The following AFF1 variants were observed in gnomAD, a reference collection of about 807,000 sequenced individuals.
AFF1 encodes the protein AF4/FMR2 family member 1.
A neutral mutation model predicts 121.7 loss-of-function variants in AFF1; 48 were observed. That is an observed-to-expected ratio of 0.39 (90% CI 0.31 to 0.50). The LOEUF (loss-of-function observed/expected upper bound fraction) is 0.50. Ranked by LOEUF, AFF1 falls within the 20% of genes least tolerant of loss-of-function variation. The pLI is 0.76. For missense variants in AFF1, 1,523 were observed against 1,511.7 expected (o/e 1.01, Z -0.12); for synonymous variants, 613 against 563.0 (o/e 1.09, Z -1.26).
At chr4:87,022,578 A>ATATATATC (rs1728061903) in intron 2 of AFF1, among the ~76,000 whole-genome samples, 1 of 87,258 alleles carries the variant, frequency 1.1e-5, no homozygotes, top group African/African-American at 5.4e-5. Flanking sequence ...ATATATATAT[A>ATATATATC]TATATCTATC....
chr4:87,114,569 G>A lies in AFF1; in HGVS notation c.1736G>A (p.Arg579Gln), dbSNP rs760065530. 10 of 1,397,868 alleles carry A rather than the reference G, an allele frequency of 7.2e-6. No individual in the cohort carries two copies. The highest frequency in any genetic ancestry group is 5.5e-5 in the East Asian group (2 of 36,644). 86.6% of individuals were successfully genotyped at this position (1,397,868 alleles called of 1,614,324 possible). ...PPPKSSSKAPRAPPEAPHPGK... is the reference protein window; with the variant it reads ...PPPKSSSKAPQAPPEAPHPGK... ...CCTAAAAGCTCCAGCAAAGCCCCCC[G>A]GGCCCCACCCGAAGCCCCCCACCCC... Residue 579 changes from arginine (R) to glutamine (Q), a missense_variant, in exon 12 of 21, where the codon CGG becomes CAG. Physicochemically the swap from Arg to Gln is conservative, Grantham distance 43 (BLOSUM62 1). Coordinates refer to ENST00000395146, the MANE Select transcript of AFF1 (RefSeq NM_001166693.3).
chr4:87,091,236 C>G (rs1724276849), intron 6 of AFF1, among the ~76,000 whole-genome samples: 1 of 151,070 alleles, frequency 6.6e-6, no homozygotes, highest in Non-Finnish European at 1.5e-5. Context: ...AACACCGTCT[C>G]TACTAAAAAT....
chr4:86,965,014 A>T (rs1722435849), intron 2 of AFF1, among the ~76,000 whole-genome samples: 1 of 152,208 alleles, frequency 6.6e-6, no homozygotes. Flanking sequence ...TTGCTGTCAT[A>T]GAGAGATGGA....
Position 86,982,421 on chromosome 4 carries a change from A to T in AFF1, c.38+33850A>T, listed in dbSNP as rs568580515. Among the ~76,000 whole-genome samples the T allele has an allele frequency of 6.3e-5, 7 of 111,670 alleles. No individual in the cohort carries two copies. In the East Asian group the frequency reaches 1.9e-3, roughly 30 times the overall value. 73.3% of individuals were successfully genotyped at this position (111,670 alleles called of 152,430 possible). A position where few individuals can be genotyped will look rare whatever the true frequency, so the allele number is the denominator to read the frequency against. On this transcript the variant is annotated intron_variant, in intron 2 of 20. Coordinates refer to ENST00000395146, the MANE Select transcript of AFF1 (RefSeq NM_001166693.3). ...TTTTTTTTTTTTTTTTTTTTTTACAAAGTGCTGTAGTCTGTTTGTATCCCC... is the reference window on the plus strand; with the variant it reads ...TTTTTTTTTTTTTTTTTTTTTTACATAGTGCTGTAGTCTGTTTGTATCCCC...
At chr4:87,064,597 G>A (rs1000944559) in intron 4 of AFF1, among the ~76,000 whole-genome samples, 4 of 152,098 alleles carry the variant, frequency 2.6e-5, no homozygotes, top group African/African-American at 7.2e-5. Context: ...AAAAATTAGC[G>A]GCTGGGCACG....
At chr4:87,074,619 A>G (rs917483705) in intron 4 of AFF1, among the ~76,000 whole-genome samples, 5 of 152,208 alleles carry the variant, frequency 3.3e-5, no homozygotes, top group Non-Finnish European at 7.4e-5. Flanking sequence ...CACCCTACTT[A>G]TTTTAACTTT....
intron 16 of AFF1, 71 bp downstream of exon 16, chr4:87,127,774 T>C: frequency 7.0e-7 from 1 of 1,438,508 alleles, no homozygotes; most frequent in Admixed American, 1.7e-5. Flanking sequence ...GTAGTCTCCA[T>C]TCTGCTGTAT....
At chr4:87,001,463 G>C (rs1166351746) in intron 2 of AFF1, among the ~76,000 whole-genome samples, 1 of 152,034 alleles carries the variant, frequency 6.6e-6, no homozygotes, top group African/African-American at 2.4e-5. Context: ...TGATCCACCC[G>C]CCTCGGCCTC....
At position 87,107,103 on chromosome 4, in the gene AFF1, G is replaced by T. The variant is rs551498133; in HGVS notation, c.1377-1056G>T. 1.1e-4 allele frequency among the ~76,000 whole-genome samples: 17 copies of T among 152,292 alleles called. No homozygotes were observed. The East Asian group carries it at 3.3e-3, about 29-fold the overall frequency. On this transcript the variant is annotated intron_variant, in intron 10 of 20. Transcript: ENST00000395146. ...CGCTCTTCAGCTGCCATGGAGACAG[G>T]GCCACCAACTGGGTGCAGCATTTCT...
intron 2 of AFF1, among the ~76,000 whole-genome samples, chr4:86,968,697 G>A (rs77502225): frequency 6.0e-4 from 91 of 152,294 alleles, no homozygotes; most frequent in African/African-American, 2.0e-3. Context: ...TGCTGGGGAC[G>A]GAAGAGGGGG....
At chr4:87,049,197 C>G (rs1020287224) in intron 4 of AFF1, among the ~76,000 whole-genome samples, 1 of 151,818 alleles carries the variant, frequency 6.6e-6, no homozygotes, top group African/African-American at 2.4e-5. Flanking sequence ...GCATTGTCTA[C>G]CAAATGCCCA....
chr4:87,111,279 A>C (rs1206929473), intron 11 of AFF1, among the ~76,000 whole-genome samples: 1 of 28,262 alleles, frequency 3.5e-5, no homozygotes. Flanking sequence ...GGCCTCCCAA[A>C]GTGCTGGGAT....
intron 4 of AFF1, among the ~76,000 whole-genome samples, chr4:87,057,406 G>C (rs1271789152): frequency 1.3e-5 from 2 of 152,216 alleles, no homozygotes; most frequent in African/African-American, 2.4e-5. Context: ...TTATAATTCT[G>C]TAAGACTTTG....
At chr4:86,960,065 G>A (rs1375009380) in intron 2 of AFF1, among the ~76,000 whole-genome samples, 2 of 151,958 alleles carry the variant, frequency 1.3e-5, no homozygotes, top group Non-Finnish European at 2.9e-5. Context: ...GGGGGCTGCT[G>A]GACTCATTAC....
At position 87,110,557 on chromosome 4, in the gene AFF1, C is replaced by G. The variant is rs112545625; in HGVS notation, c.1533+2242C>G. On this transcript the variant is annotated intron_variant, in intron 11 of 20. Coordinates refer to ENST00000395146, the MANE Select transcript of AFF1 (RefSeq NM_001166693.3). ...CCTCTGGTAACCATCCTTCTACTCT[C>G]TATCTCCATGAGTTCAATTGTTTGA... Among the ~76,000 whole-genome samples the G allele has an allele frequency of 1.3e-3, 194 of 151,664 alleles. 1 individual carries two copies. The highest frequency in any genetic ancestry group is 4.4e-3 in the African/African-American group (182 of 41,426).
intron 2 of AFF1, among the ~76,000 whole-genome samples, chr4:86,992,942 A>G (rs1270961986): frequency 6.6e-6 from 1 of 152,204 alleles, no homozygotes; most frequent in African/African-American, 2.4e-5. Flanking sequence ...TGAGTGAGTA[A>G]GTTCTTAGAA....
intron 2 of AFF1, chr4:86,950,077 G>A (rs1560496152): frequency 1.9e-5 from 30 of 1,614,150 alleles, no homozygotes; most frequent in Non-Finnish European, 2.2e-5. Context: ...CCATCCACGC[G>A]GCGAAGCCCC....
At chr4:86,990,775 G>A (rs1724639580) in intron 2 of AFF1, among the ~76,000 whole-genome samples, 1 of 151,948 alleles carries the variant, frequency 6.6e-6, no homozygotes, top group Non-Finnish European at 1.5e-5. Context: ...TGAGTACTGA[G>A]AAAACTGTTT....
chr4:87,022,638 GTA>G (rs1366913502), intron 2 of AFF1, among the ~76,000 whole-genome samples: 1 of 66,646 alleles, frequency 1.5e-5, no homozygotes, highest in Middle Eastern at 7.1e-3. Context: ...ATATGTGCGT[GTA>G]TATATGTGTG....
Sources: allele counts gnomAD v4.1 joint callset (sites outside exome capture counted in the v4.1 genomes callset), GRCh38; gene constraint gnomAD v4.1.1; transcripts MANE v1.5; gene names NCBI Gene and HGNC (gene_info 2026-07-23, HGNC 2026-07-21).